Variants in BTC observed in about 807,000 individuals in gnomAD.
BTC encodes betacellulin.
In BTC, 13 loss-of-function variants were observed where a neutral mutation model predicts 18.1. That is an observed-to-expected ratio of 0.72 (90% CI 0.47 to 1.14). The LOEUF (loss-of-function observed/expected upper bound fraction) is 1.14, where lower values mean the gene tolerates loss of function less well. BTC is among the 50% of genes most tolerant of loss of function. The pLI is 0.00. For synonymous variants in BTC, 83 were observed against 79.4 expected, an observed-to-expected ratio of 1.05 and a Z score of -0.24; for missense variants, 247 against 224.2, an observed-to-expected ratio of 1.10 and a Z score of -0.65.
At chr4:74,783,795 G>A (rs1421854717) in intron 1 of BTC, among the ~76,000 whole-genome samples, 4 of 151,964 alleles carry the variant, frequency 2.6e-5, no homozygotes, top group Non-Finnish European at 4.4e-5. Context: ...ATTTCTTCGA[G>A]CAGTGGTTTG....
chr4:74,772,788 C>G (rs76862922), intron 1 of BTC, among the ~76,000 whole-genome samples: 8,008 of 152,180 alleles, frequency 0.053, 348 homozygotes, highest in Admixed American at 0.12. Context: ...ACATAATATA[C>G]AATTTGCAGT....
At chr4:74,757,438 T>C (rs1724629864) in intron 2 of BTC, among the ~76,000 whole-genome samples, 1 of 152,164 alleles carries the variant, frequency 6.6e-6, no homozygotes, top group Non-Finnish European at 1.5e-5. Flanking sequence ...AGATATTTGC[T>C]TGATACATGT....
intron 2 of BTC, 58 bp from the exon 3 acceptor site, chr4:74,756,034 A>T (rs2109884198): frequency 7.4e-7 from 1 of 1,354,424 alleles, no homozygotes; most frequent in East Asian, 2.3e-5. Flanking sequence ...ACTTGTAAAT[A>T]GAATCATATT....
At chr4:74,753,516 T>A (rs1577948893) in intron 3 of BTC, among the ~76,000 whole-genome samples, 2 of 152,314 alleles carry the variant, frequency 1.3e-5, no homozygotes, top group African/African-American at 4.8e-5. Context: ...AAGGAAATAC[T>A]GAGAAGATTA....
intron 1 of BTC, among the ~76,000 whole-genome samples, chr4:74,775,663 T>C (rs1345306645): frequency 1.3e-5 from 2 of 152,176 alleles, no homozygotes; most frequent in African/African-American, 4.8e-5. Context: ...TGATCATTCA[T>C]TCATTCAAAA....
chr4:74,754,960 C>CACACAG (rs1553956536), intron 3 of BTC, among the ~76,000 whole-genome samples: 5 of 151,738 alleles, frequency 3.3e-5, no homozygotes, highest in African/African-American at 1.2e-4. Flanking sequence ...CACACACACA[C>CACACAG]ACACACTCAC....
At chr4:74,747,471 C>T (rs1453596602) in intron 5 of BTC, among the ~76,000 whole-genome samples, 2 of 152,170 alleles carry the variant, frequency 1.3e-5, no homozygotes, top group Non-Finnish European at 2.9e-5. Context: ...CCTCTGAATG[C>T]TAAGGTAATA....
chr4:74,780,004 G>C (rs1220661291), intron 1 of BTC, among the ~76,000 whole-genome samples: 3 of 152,152 alleles, frequency 2.0e-5, no homozygotes, highest in Non-Finnish European at 2.9e-5. Context: ...GAAGAACTTA[G>C]AAACTGAGGA....
intron 5 of BTC, among the ~76,000 whole-genome samples, chr4:74,747,474 A>G (rs1362153216): frequency 6.6e-6 from 1 of 152,184 alleles, no homozygotes; most frequent in Non-Finnish European, 1.5e-5. Context: ...CTGAATGCTA[A>G]GGTAATATTT....
chr4:74,792,013 T>A (rs1381327100), intron 1 of BTC, among the ~76,000 whole-genome samples: 1 of 141,294 alleles, frequency 7.1e-6, no homozygotes, highest in Admixed American at 7.0e-5. Flanking sequence ...ACACAAACAC[T>A]AGTGTCTCAT....
intron 2 of BTC, 119 bp from the exon 3 acceptor site, chr4:74,756,095 T>A: frequency 2.1e-6 from 2 of 958,840 alleles, no homozygotes; most frequent in Non-Finnish European, 3.3e-6. Flanking sequence ...CTCTCATTTT[T>A]CTTTCTCTCT....
chr4:74,783,866 C>T (rs1291313798), intron 1 of BTC, among the ~76,000 whole-genome samples: 1 of 151,970 alleles, frequency 6.6e-6, no homozygotes, highest in Non-Finnish European at 1.5e-5. Context: ...GTATTTTACT[C>T]TTTGTGTAGC....
intron 1 of BTC, among the ~76,000 whole-genome samples, chr4:74,785,167 T>G (rs1725446861): frequency 6.6e-6 from 1 of 152,180 alleles, no homozygotes; most frequent in Admixed American, 6.5e-5. Flanking sequence ...GGTGTATGTG[T>G]CCAGGAATTT....
intron 2 of BTC, among the ~76,000 whole-genome samples, chr4:74,761,300 A>G (rs1304717575): frequency 6.6e-6 from 1 of 152,178 alleles, no homozygotes; most frequent in Non-Finnish European, 1.5e-5. Context: ...TCCATGGCTC[A>G]TTCTCCTTTG....
chr4:74,789,455 T>C (rs147444563), intron 1 of BTC, among the ~76,000 whole-genome samples: 108 of 152,344 alleles, frequency 7.1e-4, no homozygotes, highest in African/African-American at 2.4e-3. Flanking sequence ...ATTATTCTTC[T>C]AAAATCTTTT....
At chr4:74,763,593 G>T (rs1724821466) in intron 2 of BTC, among the ~76,000 whole-genome samples, 1 of 151,732 alleles carries the variant, frequency 6.6e-6, no homozygotes. Flanking sequence ...ATATTTATAA[G>T]ATCTATAAAT....
intron 2 of BTC, among the ~76,000 whole-genome samples, chr4:74,767,161 C>T (rs920935641): frequency 6.7e-6 from 1 of 148,830 alleles, no homozygotes; most frequent in Admixed American, 6.7e-5. Flanking sequence ...TGATCCTATA[C>T]ATAAAAAATT....
At chr4:74,765,392 A>G (rs1279611090) in intron 2 of BTC, among the ~76,000 whole-genome samples, 1 of 152,150 alleles carries the variant, frequency 6.6e-6, no homozygotes. Flanking sequence ...GAAAGACAGA[A>G]TCAGCAAACT....
intron 2 of BTC, among the ~76,000 whole-genome samples, chr4:74,761,335 C>A (rs1724752156): frequency 1.3e-5 from 2 of 152,124 alleles, no homozygotes; most frequent in Non-Finnish European, 2.9e-5. Context: ...CCTCCCTGAA[C>A]CTCTAAAATT....
Sources: allele counts gnomAD v4.1 joint callset (sites outside exome capture counted in the v4.1 genomes callset), GRCh38; gene constraint gnomAD v4.1.1; transcripts MANE v1.5; gene names NCBI Gene and HGNC (gene_info 2026-07-23, HGNC 2026-07-21).